Variants in RGS5 observed in about 807,000 individuals in gnomAD.
The protein encoded by RGS5 is regulator of G-protein signalling 5.
A neutral mutation model predicts 18.9 loss-of-function variants in RGS5; 20 were observed. The observed-to-expected ratio is 1.06, with a 90% CI of 0.74 to 1.54. The LOEUF is 1.54. Ranked by LOEUF, RGS5 falls within the 40% of genes most tolerant of loss-of-function variation. The pLI, the probability that RGS5 is intolerant of heterozygous loss-of-function variation, is 0.00. For missense variants in RGS5, 201 were observed against 211.8 expected (o/e 0.95, Z 0.32); for synonymous variants, 57 against 76.2 (o/e 0.75, Z 1.31).
chr1:163,154,228 G>A (rs139668398), intron 3 of RGS5, among the ~76,000 whole-genome samples: 11 of 152,032 alleles, frequency 7.2e-5, no homozygotes, highest in Non-Finnish European at 1.3e-4. Context: ...TTGCCAATAC[G>A]TTGATTTCAC....
intron 1 of RGS5, among the ~76,000 whole-genome samples, chr1:163,169,585 G>A (rs1223564478): frequency 6.6e-6 from 1 of 152,062 alleles, no homozygotes; most frequent in Non-Finnish European, 1.5e-5. Flanking sequence ...TCTCACTGTG[G>A]TTTTGATTTG....
chr1:163,285,775 T>TTC (rs140396614), intron 2 of RGS5, among the ~76,000 whole-genome samples: 304 of 148,718 alleles, frequency 2.0e-3, no homozygotes, highest in African/African-American at 6.3e-3. Flanking sequence ...CACCTTCCCC[T>TTC]TCTCTCTCTC....
chr1:163,155,786 C>G (rs967151886), intron 3 of RGS5, among the ~76,000 whole-genome samples: 1 of 152,168 alleles, frequency 6.6e-6, no homozygotes, highest in African/African-American at 2.4e-5. Flanking sequence ...CACATTCTTC[C>G]CTGCTGAGCC....
intron 2 of RGS5, among the ~76,000 whole-genome samples, chr1:163,270,363 A>G (rs1648687649): frequency 6.7e-6 from 1 of 148,568 alleles, no homozygotes; most frequent in Non-Finnish European, 1.5e-5. Context: ...AAAAAAAAAA[A>G]AAAAAAAAAA....
intron 2 of RGS5, among the ~76,000 whole-genome samples, chr1:163,253,512 G>C (rs1443712094): frequency 6.7e-6 from 1 of 148,666 alleles, no homozygotes; most frequent in Non-Finnish European, 1.5e-5. Flanking sequence ...TTTTTGCCAT[G>C]TTGGGCAGCC....
chr1:163,315,823 G>A (rs1650004085), intron 1 of RGS5, among the ~76,000 whole-genome samples: 1 of 152,070 alleles, frequency 6.6e-6, no homozygotes, highest in South Asian at 2.1e-4. Context: ...TTAACCCTGG[G>A]CTCTAAACAT....
At position 163,232,186 on chromosome 1, in the gene RGS5, T is replaced by C. The variant is rs906322016; in HGVS notation, c.-280-63818A>G. Among the ~76,000 whole-genome samples, 4 of 152,178 alleles carry C rather than the reference T, an allele frequency of 2.6e-5. 1 individual carries two copies. The highest frequency in any genetic ancestry group is 6.3e-3 in the Middle Eastern group (2 of 316). On this transcript the variant is annotated intron_variant, in intron 2 of 5. Coordinates refer to the RGS5 transcript ENST00000618415. ...AAGATATAGCACTCTAATTCTTTGA[T>C]AGTTTTTGCTAGAAGGCTAAGGGAT...
intron 3 of RGS5, among the ~76,000 whole-genome samples, chr1:163,157,467 G>C (rs1326212256): frequency 1.3e-5 from 2 of 152,184 alleles, no homozygotes; most frequent in African/African-American, 2.4e-5. Flanking sequence ...AACCTTGTTA[G>C]AAGAGACTGA....
intron 3 of RGS5, 63 bp from the exon 4 acceptor site, chr1:163,152,779 A>G: frequency 2.7e-6 from 4 of 1,457,464 alleles, no homozygotes; most frequent in Non-Finnish European, 2.8e-6. Flanking sequence ...TATTGTATCC[A>G]TGAGAGAAAG....
chr1:163,282,185 T>C (rs1373988694), intron 2 of RGS5, among the ~76,000 whole-genome samples: 1 of 152,138 alleles, frequency 6.6e-6, no homozygotes, highest in African/African-American at 2.4e-5. Context: ...AAACTATTCA[T>C]TTGACAAGCG....
Position 163,230,547 on chromosome 1 carries a change from T to C in RGS5, c.-280-62179A>G, listed in dbSNP as rs1167603516. Among the ~76,000 whole-genome samples, 3 of 152,180 alleles carry C rather than the reference T, an allele frequency of 2.0e-5. 1 individual carries two copies. The highest frequency in any genetic ancestry group is 4.1e-4 in the South Asian group (2 of 4,830). ...CATCTTTATTGACTCTCCCCACACC[T>C]TGGCCATACCTGACTATTAATGAAG... On this transcript the variant is annotated intron_variant, in intron 2 of 5. Transcript: ENST00000618415.
At chr1:163,219,970 G>T (rs1647197700), upstream of RGS5, among the ~76,000 whole-genome samples, 1 of 152,060 alleles carries the variant, frequency 6.6e-6, no homozygotes, top group South Asian at 2.1e-4. Flanking sequence ...TATATATTTG[G>T]TTTCTAGTAG....
rs1157175988 is a variant in RGS5, at chr1:163,268,058, G to A, written c.-281+38175C>T. Among the ~76,000 whole-genome samples the A allele has an allele frequency of 2.0e-5, 3 of 151,826 alleles. No homozygotes were observed. The East Asian group carries it at 5.8e-4, about 29-fold the overall frequency. ...GGCTGACATTTTCCCCACCTCCTAA[G>A]GTTTCTGTGGCTTTACTAGATAACT... On this transcript the variant is annotated intron_variant, in intron 2 of 5. Coordinates refer to the RGS5 transcript ENST00000618415.
intron 1 of RGS5, among the ~76,000 whole-genome samples, chr1:163,307,858 T>C (rs1402114040): frequency 6.6e-6 from 1 of 152,206 alleles, no homozygotes; most frequent in Non-Finnish European, 1.5e-5. Context: ...TTAGTAACCA[T>C]ATTTTATAGA....
chr1:163,282,040 C>T (rs959215517), intron 2 of RGS5, among the ~76,000 whole-genome samples: 2 of 141,794 alleles, frequency 1.4e-5, no homozygotes, highest in Admixed American at 6.9e-5. Flanking sequence ...CAGAAGTGCA[C>T]GCGCGCGCAC....
chr1:163,253,003 GT>G (rs1333656746), intron 2 of RGS5, among the ~76,000 whole-genome samples: 1 of 152,144 alleles, frequency 6.6e-6, no homozygotes, highest in Admixed American at 6.5e-5. Context: ...AATCTCATCT[GT>G]GATGAAAGTG....
At chr1:163,156,267 TG>T (rs1486549779) in intron 3 of RGS5, among the ~76,000 whole-genome samples, 1 of 152,226 alleles carries the variant, frequency 6.6e-6, no homozygotes, top group Non-Finnish European at 1.5e-5. Context: ...ACTTATCTGA[TG>T]GGGTTGTGCT....
At chr1:163,262,174 T>C (rs1274869893) in intron 2 of RGS5, among the ~76,000 whole-genome samples, 1 of 140,836 alleles carries the variant, frequency 7.1e-6, no homozygotes, top group Non-Finnish European at 1.5e-5. Context: ...TTTTTTATTA[T>C]ACTCTAAGTT....
intron 1 of RGS5, among the ~76,000 whole-genome samples, chr1:163,319,626 G>A (rs1023323137): frequency 2.0e-5 from 3 of 152,148 alleles, no homozygotes; most frequent in African/African-American, 7.2e-5. Context: ...CAAGATGCAC[G>A]GATAAGATTT....
Sources: allele counts gnomAD v4.1 joint callset (sites outside exome capture counted in the v4.1 genomes callset), GRCh38; gene constraint gnomAD v4.1.1; transcripts MANE v1.5; gene names NCBI Gene and HGNC (gene_info 2026-07-23, HGNC 2026-07-21).